CCDC88C: variants seen among roughly 807,000 people sequenced by gnomAD.
CCDC88C encodes coiled-coil and HOOK domain protein 88C, also known as protein Daple.
A neutral mutation model predicts 198.8 loss-of-function variants in CCDC88C; 131 were observed. The ratio of observed to expected loss-of-function variants is 0.66; its 90% CI spans 0.57 to 0.76. The LOEUF (loss-of-function observed/expected upper bound fraction) is 0.76. Ranked by LOEUF, CCDC88C falls within the 30% of genes least tolerant of loss-of-function variation. The pLI, the probability that CCDC88C is intolerant of heterozygous loss-of-function variation, is 0.00. For missense variants in CCDC88C, 2,553 were observed against 2,631.6 expected (o/e 0.97, Z 0.65); for synonymous variants, 1,166 against 1,114.7 (o/e 1.05, Z -0.92).
chr14:91,411,895 A>C (rs1886810377), intron 2 of CCDC88C, among the ~76,000 whole-genome samples: 1 of 151,734 alleles, frequency 6.6e-6, no homozygotes, highest in African/African-American at 2.4e-5. Context: ...CCTGGGAGGC[A>C]GAGGTTGCAA....
intron 20 of CCDC88C, 110 bp downstream of exon 20, chr14:91,303,591 C>T (rs1003205475): frequency 8.4e-7 from 1 of 1,191,672 alleles, no homozygotes. Context: ...CAGGCCCTGC[C>T]TCTCCCCTAG....
At chr14:91,327,164 G>A (rs916122565) in intron 10 of CCDC88C, among the ~76,000 whole-genome samples, 13 of 152,304 alleles carry the variant, frequency 8.5e-5, no homozygotes, top group African/African-American at 2.4e-4. Context: ...CGCTTCTTTC[G>A]GTGGGCAGAG....
intron 3 of CCDC88C, among the ~76,000 whole-genome samples, chr14:91,407,690 T>C (rs1367664479): frequency 6.6e-6 from 1 of 152,088 alleles, no homozygotes; most frequent in Non-Finnish European, 1.5e-5. Context: ...AGGTACACAG[T>C]TTCAGTCCAT....
intron 3 of CCDC88C, among the ~76,000 whole-genome samples, chr14:91,405,341 C>T (rs1033052976): frequency 1.3e-5 from 2 of 152,134 alleles, no homozygotes; most frequent in South Asian, 4.1e-4. Context: ...ATGTGTCTAC[C>T]AAAAAGCCAC....
chr14:91,313,158 C>A lies in CCDC88C; in HGVS notation c.2658G>T (p.Leu886=). ...LARCRDAAGK[L]KELEKDNRDL... is the part of the protein sequence containing the mutation. The stretch of plus-strand genomic sequence containing the variant: ...CCCGGTTGTCCTTCTCCAGCTCCTT[C>A]AGCTTGCCGGCTGCGTCCCTGCAGC... Residue 886 remains leucine, a synonymous_variant, in exon 15 of 30, where the codon CTG becomes CTT. Transcript: ENST00000389857. This position sits in a 1 kb window ranked among gnomAD's most constrained non-coding sequence, Gnocchi z 5.2. 6.2e-7 allele frequency: 1 copy of A among 1,611,486 alleles called. No individual in the cohort carries two copies.
At chr14:91,315,628 C>A in intron 14 of CCDC88C, 22 bp downstream of exon 14, 1 of 1,613,408 alleles carries the variant, frequency 6.2e-7, no homozygotes, top group South Asian at 1.1e-5. Flanking sequence ...CTAGGAGAGG[C>A]GTTAGTGGTG....
At chr14:91,384,507 C>A in intron 3 of CCDC88C, 1 of 522,942 alleles carries the variant, frequency 1.9e-6, no homozygotes, top group East Asian at 5.5e-5. Context: ...CTTCCCCTTC[C>A]TCATCTGCTT....
In CCDC88C at chr14:91,343,606, G is replaced by A. The variant is rs749187072; in HGVS notation, c.392C>T (p.Ala131Val). The A allele has an allele frequency of 6.2e-7, 1 of 1,613,606 alleles. No homozygotes were observed. The highest frequency in any genetic ancestry group is 2.2e-5 in the East Asian group (1 of 44,886). Residue 131 changes from alanine (A) to valine (V), a missense_variant, in exon 5 of 30, where the codon GCT becomes GTT. Transcript: ENST00000389857. ...KKVLLLVLGC[A>V]VQCERKEEFI... ...GCCCTGCCCAATCCCTACCTGGACAGCACAGCCCAGCACCAGCAGCAGCAC... is the reference window on the plus strand; with the variant it reads ...GCCCTGCCCAATCCCTACCTGGACAACACAGCCCAGCACCAGCAGCAGCAC...
intron 26 of CCDC88C, among the ~76,000 whole-genome samples, chr14:91,282,477 G>A (rs911703151): frequency 5.3e-5 from 8 of 152,068 alleles, no homozygotes; most frequent in African/African-American, 1.9e-4. Context: ...ATTTCCAAAT[G>A]CTTCTCCCTT....
chr14:91,400,973 C>G (rs1015909865), intron 3 of CCDC88C, among the ~76,000 whole-genome samples: 2 of 151,844 alleles, frequency 1.3e-5, no homozygotes, highest in Non-Finnish European at 2.9e-5. Context: ...AGTAGTTACA[C>G]CCACACGATA....
chr14:91,398,499 CA>C (rs1885980288), intron 3 of CCDC88C, among the ~76,000 whole-genome samples: 2 of 151,742 alleles, frequency 1.3e-5, no homozygotes, highest in African/African-American at 4.8e-5. Flanking sequence ...ACAAAAAATA[CA>C]AAAATAATTA....
intron 4 of CCDC88C, among the ~76,000 whole-genome samples, chr14:91,344,795 G>T (rs12881978): frequency 1.8e-4 from 27 of 151,028 alleles, no homozygotes; most frequent in African/African-American, 6.3e-4. Flanking sequence ...CACCGCGCCC[G>T]GCCCCTTTTT....
At chr14:91,384,415 C>G (rs978363523) in intron 3 of CCDC88C, 23 of 516,740 alleles carry the variant, frequency 4.5e-5, no homozygotes, top group African/African-American at 3.5e-4. Context: ...GTAGACCATC[C>G]TGCTTCACTG....
chr14:91,287,815 A>G (rs753693021), intron 25 of CCDC88C, among the ~76,000 whole-genome samples: 1 of 152,050 alleles, frequency 6.6e-6, no homozygotes, highest in Non-Finnish European at 1.5e-5. Context: ...GGGTCTTCAG[A>G]AAGTCCTAGT....
At chr14:91,275,818 C>CTTT (rs34204634) in intron 29 of CCDC88C, among the ~76,000 whole-genome samples, 2,830 of 82,224 alleles carry the variant, frequency 0.034, 252 homozygotes, top group Non-Finnish European at 0.045. Context: ...ACCAGTGGTT[C>CTTT]TTTTTTTTTT....
chr14:91,354,253 A>T (rs886378500), intron 4 of CCDC88C, among the ~76,000 whole-genome samples: 1 of 152,232 alleles, frequency 6.6e-6, no homozygotes, highest in African/African-American at 2.4e-5. Context: ...CATCGCAGAA[A>T]GTAATTTGCT....
chr14:91,403,953 A>T (rs557788708), intron 3 of CCDC88C, among the ~76,000 whole-genome samples: 4 of 152,368 alleles, frequency 2.6e-5, no homozygotes, highest in Admixed American at 6.5e-5. Flanking sequence ...TTAAATTTTT[A>T]AAATGCCAGA....
chr14:91,279,582 A>C, intron 27 of CCDC88C: 1 of 309,782 alleles, frequency 3.2e-6, no homozygotes, highest in Non-Finnish European at 6.0e-6. Flanking sequence ...CAACTTCACA[A>C]AGGAAATCTC....
chr14:91,364,362 C>T (rs137899216), intron 3 of CCDC88C, among the ~76,000 whole-genome samples: 1,763 of 152,332 alleles, frequency 0.012, 13 homozygotes, highest in South Asian at 0.017. Context: ...AAATGACTTG[C>T]TTTTCAACTG....
Sources: gnomAD v4.1 joint callset for allele counts (sites outside exome capture counted in the v4.1 genomes callset) on GRCh38, gnomAD v4.1.1 for gene constraint, Gnocchi (gnomAD v3.1) non-coding constraint, MANE v1.5 for transcripts, NCBI Gene and HGNC (gene_info 2026-07-23, HGNC 2026-07-21) for gene names.